The following FGF14 variants were observed in gnomAD, a reference collection of about 807,000 sequenced individuals.
FGF14 encodes fibroblast growth factor 14.
Under a neutral mutation model 25.5 loss-of-function variants are expected in FGF14, and 5 were observed. That is an observed-to-expected ratio of 0.20 (90% CI 0.10 to 0.41). FGF14 has a LOEUF of 0.41. Among genes scored for constraint, FGF14 ranks in the 10% least tolerant of loss-of-function variants. FGF14 has a pLI of 1.00. For missense variants in FGF14, 222 were observed against 320.1 expected, an observed-to-expected ratio of 0.69 and a Z score of 2.34; for synonymous variants, 138 against 118.3, an observed-to-expected ratio of 1.17 and a Z score of -1.08.
intron 1 of FGF14, among the ~76,000 whole-genome samples, chr13:102,232,451 T>C (rs992233654): frequency 6.6e-6 from 1 of 152,216 alleles, no homozygotes; most frequent in African/African-American, 2.4e-5. Flanking sequence ...GGTTTTTTAT[T>C]TATTGCTAAT....
At chr13:101,783,852 G>T (rs906291090) in intron 3 of FGF14, among the ~76,000 whole-genome samples, 1 of 152,086 alleles carries the variant, frequency 6.6e-6, no homozygotes, top group Admixed American at 6.6e-5. Context: ...GTTAATTTTT[G>T]TATATGGTGC....
chr13:102,261,599 G>A (rs1005210173), intron 1 of FGF14, among the ~76,000 whole-genome samples: 1 of 152,238 alleles, frequency 6.6e-6, no homozygotes, highest in Admixed American at 6.5e-5. Flanking sequence ...CAGAAATAAT[G>A]ACTAAATAGT....
At chr13:101,848,241 C>T (rs551467823) in intron 3 of FGF14, among the ~76,000 whole-genome samples, 1 of 151,908 alleles carries the variant, frequency 6.6e-6, no homozygotes, top group Non-Finnish European at 1.5e-5. Flanking sequence ...ATGCATTTTA[C>T]CTTTCATACT....
rs1367353904 is a variant in FGF14 at position 101,719,328 on chromosome 13, A to G, written c.*3503T>C. 1 of 152,098 alleles carries G rather than the reference A, an allele frequency of 6.6e-6. No homozygotes were observed. The highest frequency in any genetic ancestry group is 1.5e-5 in the Non-Finnish European group (1 of 68,006). 9.4% of individuals were successfully genotyped at this position (152,098 alleles called of 1,614,324 possible). A position where few individuals can be genotyped will look rare whatever the true frequency, so the allele number is the denominator to read the frequency against. ...AAAGAACTTCTGCTTGCTCCCCAAG[A>G]GGCAAACTATTAGAAGAACTGGAGC... is the stretch of plus-strand genomic sequence containing the variant. On this transcript the variant is annotated 3_prime_UTR_variant, in exon 5 of 5. Transcript: ENST00000376143.
chr13:101,813,174 C>A (rs964788702), intron 3 of FGF14, among the ~76,000 whole-genome samples: 1 of 152,160 alleles, frequency 6.6e-6, no homozygotes, highest in Non-Finnish European at 1.5e-5. Context: ...CCCTTACCTG[C>A]ATCCAGATCT....
chr13:101,724,597 A>AATATATATATATATATATATATATAT (rs201033233), intron 4 of FGF14, among the ~76,000 whole-genome samples: 34 of 121,264 alleles, frequency 2.8e-4, no homozygotes, highest in Non-Finnish European at 4.2e-4. Flanking sequence ...ATAATAATAA[A>AATATATATATATATATATATATATAT]ATATATATAT....
At chr13:102,307,622 C>G (rs2055467240) in intron 1 of FGF14, among the ~76,000 whole-genome samples, 1 of 152,070 alleles carries the variant, frequency 6.6e-6, no homozygotes, top group Non-Finnish European at 1.5e-5. Flanking sequence ...CTTCACATAG[C>G]AATAATAATC....
intron 1 of FGF14, among the ~76,000 whole-genome samples, chr13:102,203,559 T>C (rs530740364): frequency 6.6e-6 from 1 of 152,298 alleles, no homozygotes; most frequent in South Asian, 2.1e-4. Context: ...TAATACAAAA[T>C]GAGACCAATA....
chr13:102,118,331 G>A (rs1014692796), intron 1 of FGF14, among the ~76,000 whole-genome samples: 1 of 151,700 alleles, frequency 6.6e-6, no homozygotes, highest in African/African-American at 2.4e-5. Context: ...AATAATTTAA[G>A]AAAACCCTAT....
intron 3 of FGF14, among the ~76,000 whole-genome samples, chr13:101,739,006 ATATC>A (rs1460172539): frequency 6.8e-5 from 10 of 146,982 alleles, no homozygotes; most frequent in South Asian, 4.2e-4. Context: ...GTGTGTGTGT[ATATC>A]TATCTATATA....
intron 3 of FGF14, among the ~76,000 whole-genome samples, chr13:101,859,564 C>G (rs1350196011): frequency 6.6e-6 from 1 of 152,138 alleles, no homozygotes; most frequent in Admixed American, 6.6e-5. Flanking sequence ...AAGAGCTCTA[C>G]TCCTCAGCAT....
At chr13:101,953,535 C>T (rs1236319046) in intron 1 of FGF14, among the ~76,000 whole-genome samples, 1 of 149,172 alleles carries the variant, frequency 6.7e-6, no homozygotes, top group African/African-American at 2.5e-5. Flanking sequence ...TCAACTGCTA[C>T]CTTTCTGTAT....
chr13:102,077,516 T>C (rs2043419595), intron 1 of FGF14, among the ~76,000 whole-genome samples: 1 of 152,160 alleles, frequency 6.6e-6, no homozygotes, highest in African/African-American at 2.4e-5. Flanking sequence ...GAGATACACA[T>C]GGCTAACAGG....
At chr13:101,749,089 T>C (rs2037091459) in intron 3 of FGF14, among the ~76,000 whole-genome samples, 1 of 152,094 alleles carries the variant, frequency 6.6e-6, no homozygotes, top group Non-Finnish European at 1.5e-5. Flanking sequence ...AATCCACTTA[T>C]ATGAGGTAAC....
intron 1 of FGF14, among the ~76,000 whole-genome samples, chr13:101,933,075 T>C (rs2034873253): frequency 6.6e-6 from 1 of 152,242 alleles, no homozygotes; most frequent in African/African-American, 2.4e-5. Flanking sequence ...TTGATCATAA[T>C]ATGAAGATGA....
At chr13:102,312,992 TCTC>T (rs900919375) in intron 1 of FGF14, among the ~76,000 whole-genome samples, 7 of 152,044 alleles carry the variant, frequency 4.6e-5, no homozygotes, top group African/African-American at 7.2e-5. Flanking sequence ...GCAAGTGAGT[TCTC>T]CTCCTCCTGT....
At position 101,995,204 on chromosome 13, in the gene FGF14, T is replaced by C. The variant is rs182336302; in HGVS notation, c.209-119908A>G. Among the ~76,000 whole-genome samples, 5 of 152,246 alleles carry C rather than the reference T, an allele frequency of 3.3e-5. No individual in the cohort carries two copies. In the East Asian group the frequency reaches 9.7e-4, roughly 29 times the overall value. On this transcript the variant is annotated intron_variant, in intron 1 of 4. Transcript: ENST00000376131. Reference sequence around the variant, plus strand: ...TTCATTGAAAGTCTCATTTTTGTTGTTGTTTTCCCTCTCTCTTTGAAAGAA... The same window carrying C: ...TTCATTGAAAGTCTCATTTTTGTTGCTGTTTTCCCTCTCTCTTTGAAAGAA...
At position 102,195,299 on chromosome 13, in the gene FGF14, G is replaced by T. The variant is rs1014948345; in HGVS notation, c.208+206172C>A. 3.3e-5 allele frequency among the ~76,000 whole-genome samples: 5 copies of T among 151,938 alleles called. No individual in the cohort carries two copies. The South Asian group carries it at 8.3e-4, about 25-fold the overall frequency. Reference sequence around the variant, plus strand: ...TATACAAATCAACAACTATAAAATGGTGCTGATGGACTTATAATCTGTAAA... The same window carrying T: ...TATACAAATCAACAACTATAAAATGTTGCTGATGGACTTATAATCTGTAAA... On this transcript the variant is annotated intron_variant, in intron 1 of 4. Transcript: ENST00000376131.
chr13:102,342,399 T>C (rs2056979409), intron 1 of FGF14, among the ~76,000 whole-genome samples: 1 of 152,088 alleles, frequency 6.6e-6, no homozygotes, highest in Non-Finnish European at 1.5e-5. Flanking sequence ...CTACATAAGT[T>C]ACTTAAGATT....
Sources: gnomAD v4.1 joint callset for allele counts (sites outside exome capture counted in the v4.1 genomes callset) on GRCh38, gnomAD v4.1.1 for gene constraint, MANE v1.5 for transcripts, NCBI Gene and HGNC (gene_info 2026-07-23, HGNC 2026-07-21) for gene names.